TIAM1: variants seen among roughly 807,000 people sequenced by gnomAD.
TIAM1 encodes rho guanine nucleotide exchange factor TIAM1.
TIAM1 carries 65 observed loss-of-function variants against 163.5 expected under a neutral mutation model. The ratio of observed to expected loss-of-function variants is 0.40; its 90% confidence interval spans 0.33 to 0.49. The LOEUF (loss-of-function observed/expected upper bound fraction) is 0.49. Ranked by LOEUF, TIAM1 falls within the 20% of genes least tolerant of loss-of-function variation. The pLI is 0.77. For synonymous variants in TIAM1, 833 were observed against 810.1 expected (o/e 1.03, Z -0.48); for missense variants, 1,789 against 2,044.7 (o/e 0.87, Z 2.41).
intron 6 of TIAM1, among the ~76,000 whole-genome samples, chr21:31,228,248 A>ATCTG (rs1555897915): frequency 7.5e-6 from 1 of 133,946 alleles, no homozygotes; most frequent in Non-Finnish European, 1.5e-5. Context: ...AAAAAAAAAA[A>ATCTG]AAAAAAAAAA....
chr21:31,290,464 T>C (rs1446273783), intron 2 of TIAM1, among the ~76,000 whole-genome samples: 1 of 151,518 alleles, frequency 6.6e-6, no homozygotes, highest in Non-Finnish European at 1.5e-5. Context: ...TGAAACCTCA[T>C]CTCTACTAAA....
At position 31,525,870 on chromosome 21, in the gene TIAM1, C is replaced by T. The variant is rs562205780; in HGVS notation, c.-422+33057G>A. The stretch of plus-strand genomic sequence containing the variant: ...CCAACATGGTGAAATCCCGCCTTTA[C>T]TAAAAATACAAAAATTAGCTGGGCT... On this transcript the variant is annotated intron_variant, in intron 1 of 28. Coordinates refer to the TIAM1 transcript ENST00000286827. 3.6e-4 allele frequency among the ~76,000 whole-genome samples: 54 copies of T among 151,962 alleles called. 1 individual carries two copies. In the South Asian group the frequency reaches 0.011, roughly 30 times the overall value.
rs1486144444 is a variant in TIAM1 at position 31,339,402 on chromosome 21, C to G, written c.-348G>C. On this transcript the variant is annotated 5_prime_UTR_variant, in exon 2 of 28. Coordinates refer to ENST00000541036, the MANE Select transcript of TIAM1 (RefSeq NM_001353694.2). ...GGGCTTCAGGTCTAGAAAGGTGGGT[C>G]TCAGTCCACAGTGATTCTACCTATA... The G allele has an allele frequency of 2.5e-6, 1 of 398,518 alleles. No homozygotes were observed. The highest frequency in any genetic ancestry group is 4.4e-6 in the Non-Finnish European group (1 of 226,112). 24.7% of individuals were successfully genotyped at this position (398,518 alleles called of 1,614,324 possible). A position where few individuals can be genotyped will look rare whatever the true frequency, so the allele number is the denominator to read the frequency against.
intron 1 of TIAM1, among the ~76,000 whole-genome samples, chr21:31,531,711 T>G (rs538875795): frequency 6.7e-6 from 1 of 148,280 alleles, no homozygotes; most frequent in African/African-American, 2.5e-5. Context: ...GTAAACTAAT[T>G]AAAAACCACT....
intron 1 of TIAM1, among the ~76,000 whole-genome samples, chr21:31,534,208 C>T (rs948548442): frequency 7.2e-5 from 11 of 152,238 alleles, no homozygotes; most frequent in African/African-American, 2.7e-4. Context: ...TCACCATTAA[C>T]ATCTAAGCCT....
chr21:31,405,292 G>C (rs575533392), intron 2 of TIAM1, among the ~76,000 whole-genome samples: 36 of 152,102 alleles, frequency 2.4e-4, no homozygotes, highest in African/African-American at 8.7e-4. Context: ...AAACTTGCAG[G>C]TACAATTCAG....
intron 2 of TIAM1, among the ~76,000 whole-genome samples, chr21:31,303,700 G>A (rs555025343): frequency 7.9e-5 from 12 of 152,230 alleles, no homozygotes; most frequent in Non-Finnish European, 1.3e-4. Flanking sequence ...AAAAGTGGTC[G>A]GGCATGGTGG....
chr21:31,187,131 G>T, intron 13 of TIAM1, 44 bp from the exon 14 acceptor site: 1 of 1,580,104 alleles, frequency 6.3e-7, no homozygotes. Flanking sequence ...CACACCTTCT[G>T]AATGTTTAGC....
In TIAM1 at chr21:31,234,983, T is replaced by C. The variant is rs563854472; in HGVS notation, c.1585-9033A>G. ...AAGCCAAAATTCCAAATTACTCAAA[T>C]ATTATGCAAGTAAAAGGTAGAATGA... On this transcript the variant is annotated intron_variant, in intron 6 of 27. Transcript: ENST00000541036. Among the ~76,000 whole-genome samples, 12 of 152,268 alleles carry C rather than the reference T, an allele frequency of 7.9e-5. No individual in the cohort carries two copies. The South Asian group carries it at 2.5e-3, about 32-fold the overall frequency.
intron 2 of TIAM1, among the ~76,000 whole-genome samples, chr21:31,362,437 G>A (rs508288): frequency 0.69 from 102,748 of 149,440 alleles, 35,867 homozygotes; most frequent in African/African-American, 0.81. Context: ...ACCCATTAAT[G>A]CAGTGACAAT....
Position 31,546,308 on chromosome 21 carries a change from T to A in TIAM1, c.-422+12619A>T, listed in dbSNP as rs1001120084. 6.6e-5 allele frequency among the ~76,000 whole-genome samples: 10 copies of A among 151,970 alleles called. No homozygotes were observed. The South Asian group carries it at 2.1e-3, about 32-fold the overall frequency. ...GGCTCACACCTGTAATCTCAGCACTTTGGGAGGTCCAGGCAGGCAGATCAC... is the reference window on the plus strand; with the variant it reads ...GGCTCACACCTGTAATCTCAGCACTATGGGAGGTCCAGGCAGGCAGATCAC... On this transcript the variant is annotated intron_variant, in intron 1 of 28. Transcript: ENST00000286827.
At chr21:31,491,703 G>A (rs896143446) in intron 1 of TIAM1, among the ~76,000 whole-genome samples, 5 of 152,152 alleles carry the variant, frequency 3.3e-5, no homozygotes, top group African/African-American at 9.7e-5. Flanking sequence ...CTTTGCTTTC[G>A]CAATTTATAG....
intron 2 of TIAM1, among the ~76,000 whole-genome samples, chr21:31,423,867 G>A (rs1481322499): frequency 1.6e-5 from 2 of 128,750 alleles, no homozygotes; most frequent in East Asian, 2.8e-4. Context: ...GGGGGGCGGG[G>A]GGGGGGTCAA....
chr21:31,555,882 G>A (rs1289612501), intron 1 of TIAM1, among the ~76,000 whole-genome samples: 1 of 152,012 alleles, frequency 6.6e-6, no homozygotes, highest in Admixed American at 6.6e-5. Flanking sequence ...GGTTTCAGTC[G>A]GCACACTAGA....
chr21:31,541,141 A>G (rs568821478), intron 1 of TIAM1, among the ~76,000 whole-genome samples: 7 of 152,216 alleles, frequency 4.6e-5, no homozygotes, highest in Non-Finnish European at 8.8e-5. Context: ...TTTAGAAAAG[A>G]AAGCAAGCAA....
chr21:31,388,335 C>CA (rs2076914164), intron 2 of TIAM1, among the ~76,000 whole-genome samples: 2 of 150,762 alleles, frequency 1.3e-5, no homozygotes, highest in African/African-American at 4.9e-5. Context: ...ATGCAGGGGA[C>CA]AGGGTGGTCA....
chr21:31,194,135 T>G (rs1160131570), intron 13 of TIAM1, among the ~76,000 whole-genome samples: 1 of 151,506 alleles, frequency 6.6e-6, no homozygotes, highest in East Asian at 1.9e-4. Context: ...TCCTTTCTCT[T>G]TTTTTTTGCC....
chr21:31,297,170 A>G (rs569839530), intron 2 of TIAM1, among the ~76,000 whole-genome samples: 225 of 152,370 alleles, frequency 1.5e-3, no homozygotes, highest in African/African-American at 4.9e-3. Flanking sequence ...CACATTATAT[A>G]AAATTAGAGG....
intron 13 of TIAM1, among the ~76,000 whole-genome samples, chr21:31,191,368 A>G (rs1419912450): frequency 6.6e-6 from 1 of 152,050 alleles, no homozygotes; most frequent in Non-Finnish European, 1.5e-5. Flanking sequence ...GTTGGCCAGG[A>G]TGGTCTCAAT....
Sources: allele counts gnomAD v4.1 joint callset (sites outside exome capture counted in the v4.1 genomes callset), GRCh38; gene constraint gnomAD v4.1.1; transcripts MANE v1.5; gene names NCBI Gene and HGNC (gene_info 2026-07-23, HGNC 2026-07-21).